Variants in VPS13B observed in about 807,000 individuals in gnomAD.
VPS13B encodes the protein vacuolar protein sorting 13 homolog B.
In VPS13B, 285 loss-of-function variants were observed where a neutral mutation model predicts 426.4. The observed-to-expected ratio is 0.67, with a 90% CI of 0.61 to 0.74. The LOEUF (loss-of-function observed/expected upper bound fraction) is 0.74, where lower values mean the gene tolerates loss of function less well. Among genes scored for constraint, VPS13B ranks in the 30% least tolerant of loss-of-function variants. The pLI is 0.00. For synonymous variants in VPS13B, 1,676 were observed against 1,676.4 expected (o/e 1.00, Z 0.01); for missense variants, 4,537 against 4,782.6 (o/e 0.95, Z 1.51).
intron 17 of VPS13B, among the ~76,000 whole-genome samples, chr8:99,206,762 G>A (rs1052594676): frequency 6.6e-6 from 1 of 152,104 alleles, no homozygotes; most frequent in Non-Finnish European, 1.5e-5. Context: ...TGGAGTTGTT[G>A]AATAGTTCTT....
chr8:99,516,769 C>T (rs1822093792), intron 29 of VPS13B, among the ~76,000 whole-genome samples: 1 of 107,536 alleles, frequency 9.3e-6, no homozygotes, highest in African/African-American at 3.7e-5. Flanking sequence ...GCCTGGGTGA[C>T]AGGAGGAGAC....
chr8:99,839,718 C>T (rs562327966), intron 54 of VPS13B, among the ~76,000 whole-genome samples: 3 of 152,332 alleles, frequency 2.0e-5, no homozygotes, highest in South Asian at 2.1e-4. Context: ...CATCAAAGCA[C>T]AGGTTAGAAG....
At chr8:99,577,422 A>G in intron 32 of VPS13B, 68 bp from the exon 33 acceptor site, 2 of 1,603,646 alleles carry the variant, frequency 1.2e-6, no homozygotes, top group Non-Finnish European at 1.7e-6. Flanking sequence ...TCAAATAAGT[A>G]AGAATGATAA....
At chr8:99,028,798 C>G (rs1842316723) in intron 2 of VPS13B, among the ~76,000 whole-genome samples, 3 of 114,444 alleles carry the variant, frequency 2.6e-5, no homozygotes, top group Middle Eastern at 5.3e-3. Flanking sequence ...GGCGGCCGGG[C>G]AGAGGAGCCC....
In VPS13B at chr8:99,818,480, T is replaced by C. The variant is rs1221576628; in HGVS notation, c.8391T>C (p.Tyr2797=). The change falls in exon 46 of 62, where the codon TAT becomes TAC. Residue 2797 remains tyrosine (Y), a synonymous_variant. Transcript: ENST00000357162. The part of the protein sequence containing the change: ...QVPSSNSSII[Y]VWCTVLTLEP... ...CATCTTCAAACAGTTCCATTATTTATGTCTGGTGCACAGTTTTGACTTTAG... is the reference window on the plus strand; with the variant it reads ...CATCTTCAAACAGTTCCATTATTTACGTCTGGTGCACAGTTTTGACTTTAG... 2 of 1,614,086 alleles carry C rather than the reference T, an allele frequency of 1.2e-6. No homozygotes were observed. Among genetic ancestry groups the C allele is most frequent in the Admixed American group, 3.3e-5 (2 of 60,012 alleles).
At chr8:99,697,582 G>A (rs1832084573) in intron 35 of VPS13B, 2 of 673,220 alleles carry the variant, frequency 3.0e-6, no homozygotes, top group Non-Finnish European at 5.4e-6. Context: ...AGATCAAGAA[G>A]GAACTCTCAA....
At chr8:99,247,613 G>C (rs1817291852) in intron 17 of VPS13B, among the ~76,000 whole-genome samples, 1 of 152,112 alleles carries the variant, frequency 6.6e-6, no homozygotes, top group African/African-American at 2.4e-5. Flanking sequence ...AAAGTGTTCT[G>C]TATTGGTTCT....
chr8:99,540,751 T>G (rs1823573442), intron 30 of VPS13B, among the ~76,000 whole-genome samples: 1 of 152,224 alleles, frequency 6.6e-6, no homozygotes, highest in Non-Finnish European at 1.5e-5. Context: ...ATACAAAAAC[T>G]TTCTTGTTTT....
At chr8:99,502,266 G>A (rs1401816980) in intron 26 of VPS13B, among the ~76,000 whole-genome samples, 1 of 152,200 alleles carries the variant, frequency 6.6e-6, no homozygotes, top group African/African-American at 2.4e-5. Flanking sequence ...TTACAGGCAT[G>A]AGCCACCATG....
In VPS13B at chr8:99,666,120, T is replaced by C. The variant is rs186535408; in HGVS notation, c.6046+4629T>C. Among the ~76,000 whole-genome samples the C allele has an allele frequency of 9.4e-3, 1,432 of 152,228 alleles. 24 individuals are homozygous for C. The highest frequency in any genetic ancestry group is 0.033 in the African/African-American group (1,364 of 41,560). The stretch of plus-strand genomic sequence containing the variant: ...TCACTCATGATTTGGCTGTCTGTTA[T>C]TGGTGTATAAGAATGCTTGTGATTT... On this transcript the variant is annotated intron_variant, in intron 35 of 61. Coordinates refer to ENST00000357162, the MANE Select transcript of VPS13B (RefSeq NM_152564.5).
chr8:99,737,479 A>G (rs1833892951), intron 39 of VPS13B, among the ~76,000 whole-genome samples: 1 of 152,034 alleles, frequency 6.6e-6, no homozygotes, highest in African/African-American at 2.4e-5. Context: ...CAAGCATAAT[A>G]TTTTTGAAAT....
intron 33 of VPS13B, among the ~76,000 whole-genome samples, chr8:99,592,310 A>G (rs1826730864): frequency 6.6e-6 from 1 of 152,022 alleles, no homozygotes; most frequent in Non-Finnish European, 1.5e-5. Context: ...TCTGAAGCCT[A>G]CTTCTGTCAG....
rs141703746 is a variant in VPS13B, at chr8:99,275,256, T to C, written c.2824+2T>C. ...ATATTGACTACTGCCACAATTCCGG[T>C]AAGTACAAACCTATCATTATTCCCT... is the stretch of plus-strand genomic sequence containing the variant. On this transcript the variant is annotated splice_donor_variant, in intron 19 of 61. Coordinates refer to ENST00000357162, the MANE Select transcript of VPS13B (RefSeq NM_152564.5). LOFTEE classifies it high-confidence loss of function. 4.4e-6 allele frequency: 7 copies of C among 1,608,212 alleles called. No individual in the cohort carries two copies. Among genetic ancestry groups the C allele is most frequent in the South Asian group, 1.1e-5 (1 of 90,770 alleles).
At position 99,817,615 on chromosome 8, in the gene VPS13B, A is replaced by G. The variant is rs201127443; in HGVS notation, c.8173A>G (p.Ile2725Val). Residue 2725 changes from isoleucine (I) to valine (V), a missense_variant, in exon 45 of 62, where the codon ATT (isoleucine) becomes GTT (valine). Ile to Val is a conservative substitution (Grantham distance 29). Transcript: ENST00000357162. The stretch of plus-strand genomic sequence containing the variant: ...AGAACTAAAAGTCGTTCAGCATTAC[A>G]TTGGTCAAGATGGACAAGCTGTAGT... ...SIELKVVQHY[I>V]GQDGQAVVRE... The G allele has an allele frequency of 2.5e-6, 4 of 1,614,078 alleles. No individual in the cohort carries two copies. The highest frequency in any genetic ancestry group is 2.7e-5 in the African/African-American group (2 of 75,040).
intron 24 of VPS13B, among the ~76,000 whole-genome samples, chr8:99,479,138 T>C (rs1250941319): frequency 6.6e-6 from 1 of 152,202 alleles, no homozygotes; most frequent in Non-Finnish European, 1.5e-5. Flanking sequence ...GTATCTTGTC[T>C]TGATCATCCC....
chr8:99,766,394 T>C (rs867491671), intron 39 of VPS13B, among the ~76,000 whole-genome samples: 54 of 152,328 alleles, frequency 3.5e-4, no homozygotes, highest in African/African-American at 1.2e-3. Context: ...GGCACCTTCA[T>C]TGCATAGTAA....
At chr8:99,544,705 A>C (rs1823861650) in intron 30 of VPS13B, among the ~76,000 whole-genome samples, 1 of 152,144 alleles carries the variant, frequency 6.6e-6, no homozygotes, top group South Asian at 2.1e-4. Flanking sequence ...CAACAACAAC[A>C]ACAATAAACC....
chr8:99,528,593 T>G (rs1588465214), intron 30 of VPS13B, among the ~76,000 whole-genome samples: 1 of 152,234 alleles, frequency 6.6e-6, no homozygotes, highest in Non-Finnish European at 1.5e-5. Context: ...CCTAGATTGA[T>G]GAAATAAGTG....
chr8:99,465,538 T>C (rs1054186381), intron 23 of VPS13B, among the ~76,000 whole-genome samples: 1 of 152,004 alleles, frequency 6.6e-6, no homozygotes, highest in Non-Finnish European at 1.5e-5. Flanking sequence ...TTTAACAAAT[T>C]TTAATCTGGT....
Sources: gnomAD v4.1 joint callset for allele counts (sites outside exome capture counted in the v4.1 genomes callset) on GRCh38, gnomAD v4.1.1 for gene constraint, MANE v1.5 for transcripts, NCBI Gene and HGNC (gene_info 2026-07-23, HGNC 2026-07-21) for gene names.